The following SQLE variants were observed in gnomAD, a reference collection of about 807,000 sequenced individuals.
The protein encoded by SQLE is squalene epoxidase, also known as squalene monooxygenase.
In SQLE, 29 loss-of-function variants were observed where a neutral mutation model predicts 60.7. The observed-to-expected ratio is 0.48, with a 90% CI of 0.36 to 0.65. SQLE has a LOEUF of 0.65. Among genes scored for constraint, SQLE ranks in the 30% least tolerant of loss-of-function variants. The pLI, the probability that SQLE is intolerant of heterozygous loss-of-function variation, is 0.00. For missense variants in SQLE, 605 were observed against 684.1 expected, an observed-to-expected ratio of 0.88 and a Z score of 1.29; for synonymous variants, 237 against 246.8, an observed-to-expected ratio of 0.96 and a Z score of 0.37.
Position 125,007,500 on chromosome 8 carries a change from A to G in SQLE, c.822+13A>G. The G allele has an allele frequency of 6.7e-7, 1 of 1,498,168 alleles. No homozygotes were observed. Among genetic ancestry groups the G allele is most frequent in the Non-Finnish European group, 9.0e-7 (1 of 1,107,754 alleles). 92.8% of individuals were successfully genotyped at this position (1,498,168 alleles called of 1,614,324 possible). ...TGGAGATATCAAGGTGAGAAATACC[A>G]AATGTCACCTCTTCCTAAGAGATGT... On this transcript the variant is annotated intron_variant, in intron 4 of 10. Transcript: ENST00000265896.
intron 9 of SQLE, chr8:125,019,184 T>G (rs931808944): frequency 4.4e-5 from 7 of 159,550 alleles, no homozygotes; most frequent in African/African-American, 1.7e-4. Flanking sequence ...CACCCTTTAC[T>G]TATTTGGATT....
At chr8:125,000,246 G>A (rs1391940475) in intron 1 of SQLE, among the ~76,000 whole-genome samples, 1 of 152,162 alleles carries the variant, frequency 6.6e-6, no homozygotes, top group African/African-American at 2.4e-5. Flanking sequence ...ATAAAGGCCA[G>A]GTCTTCAAAT....
At chr8:125,006,000 A>G (rs971528752) in intron 3 of SQLE, among the ~76,000 whole-genome samples, 5 of 152,240 alleles carry the variant, frequency 3.3e-5, no homozygotes, top group African/African-American at 7.2e-5. Flanking sequence ...TAACTAAGGC[A>G]TAAGTCCATT....
intron 1 of SQLE, among the ~76,000 whole-genome samples, chr8:125,000,675 A>G (rs1814829521): frequency 6.6e-6 from 1 of 151,764 alleles, no homozygotes; most frequent in Admixed American, 6.6e-5. Context: ...GCTGGTCTCG[A>G]ACTCCTGACC....
At chr8:125,011,722 G>C in intron 7 of SQLE, 90 bp downstream of exon 7, 1 of 1,143,280 alleles carries the variant, frequency 8.7e-7, no homozygotes, top group Non-Finnish European at 1.3e-6. Flanking sequence ...ATAACTTCTG[G>C]GACAGATAGT....
chr8:124,998,595 G>T lies in SQLE; in HGVS notation c.-809G>T, dbSNP rs1438653183. 1 of 685,752 alleles carries T rather than the reference G, an allele frequency of 1.5e-6. No homozygotes were observed. Among genetic ancestry groups the T allele is most frequent in the Admixed American group, 2.1e-5 (1 of 48,430 alleles). 42.5% of individuals were successfully genotyped at this position (685,752 alleles called of 1,614,324 possible). A position where few individuals can be genotyped will look rare whatever the true frequency, so the allele number is the denominator to read the frequency against. On this transcript the variant is annotated 5_prime_UTR_variant, in exon 1 of 11. Transcript: ENST00000265896. ...CGCGCTGGCGAGAGCCGCCGCCCGCGAGGGATGCTGGTGAGGAAGCCGTCG... is the reference window on the plus strand; with the variant it reads ...CGCGCTGGCGAGAGCCGCCGCCCGCTAGGGATGCTGGTGAGGAAGCCGTCG...
intron 7 of SQLE, among the ~76,000 whole-genome samples, chr8:125,013,378 G>A (rs1588114940): frequency 2.9e-5 from 2 of 68,892 alleles, no homozygotes; most frequent in African/African-American, 2.4e-4. Context: ...TTGAGATGGA[G>A]TTTCGCTCTT....
chr8:124,999,402 C>G lies in SQLE; in HGVS notation c.-2C>G, dbSNP rs1814803484. On this transcript the variant is annotated 5_prime_UTR_variant, in exon 1 of 11. Transcript: ENST00000265896. ...CGGTGCCACCAAAGAAGCCTTGGAA[C>G]CATGTGGACTTTTCTGGGCATTGCC... The G allele has an allele frequency of 6.7e-7, 1 of 1,502,968 alleles. No homozygotes were observed. Among genetic ancestry groups the G allele is most frequent in the African/African-American group, 1.4e-5 (1 of 71,044 alleles). 93.1% of individuals were successfully genotyped at this position (1,502,968 alleles called of 1,614,324 possible).
At position 124,998,511 on chromosome 8, in the gene SQLE, C is replaced by T. The variant is rs1286410270; in HGVS notation, c.-893C>T. On this transcript the variant is annotated 5_prime_UTR_variant, in exon 1 of 11. Transcript: ENST00000265896. ...CGAGCCCGCCCAGCTGGCTGAGACGCGTGGAGCCTGGCGGCGAGTGGGGGC... is the reference window on the plus strand; with the variant it reads ...CGAGCCCGCCCAGCTGGCTGAGACGTGTGGAGCCTGGCGGCGAGTGGGGGC... 9.2e-6 allele frequency: 6 copies of T among 649,394 alleles called. No homozygotes were observed. The highest frequency in any genetic ancestry group is 1.4e-5 in the Non-Finnish European group (5 of 359,922). The allele number at this position is 649,394 out of a possible 1,614,324, so 40.2% of individuals were successfully genotyped here. A position where few individuals can be genotyped will look rare whatever the true frequency, so the allele number is the denominator to read the frequency against.
At chr8:125,007,331 T>C in intron 3 of SQLE, 60 bp from the exon 4 acceptor site, 1 of 1,259,806 alleles carries the variant, frequency 7.9e-7, no homozygotes, top group Non-Finnish European at 1.1e-6. Flanking sequence ...AAGGAATTTA[T>C]ATTTAATTTA....
chr8:125,007,522 ATGT>A (rs1814972565), intron 4 of SQLE, 35 bp downstream of exon 4: 2 of 1,420,622 alleles, frequency 1.4e-6, no homozygotes, highest in African/African-American at 1.4e-5. Flanking sequence ...TTCCTAAGAG[ATGT>A]TGTTTTTCCT....
rs187929685 is a variant in SQLE at position 125,020,906 on chromosome 8, C to T, written c.1532+35C>T. The T allele has an allele frequency of 7.6e-5, 113 of 1,479,642 alleles. 1 individual carries two copies. In the East Asian group the frequency reaches 1.9e-3, roughly 25 times the overall value. 91.7% of individuals were successfully genotyped at this position (1,479,642 alleles called of 1,614,324 possible). On this transcript the variant is annotated intron_variant, in intron 10 of 10. Transcript: ENST00000265896. ...GATGGCACAGAGGATACAAACCTGC[C>T]AGATTTTCTTAGGACTGTTCAGTTG...
intron 4 of SQLE, among the ~76,000 whole-genome samples, chr8:125,008,683 G>A (rs776977081): frequency 4.6e-5 from 7 of 152,162 alleles, no homozygotes; most frequent in Non-Finnish European, 1.0e-4. Flanking sequence ...TGCCTGCCTT[G>A]TAGTTGTTTC....
intron 2 of SQLE, among the ~76,000 whole-genome samples, chr8:125,004,835 T>A (rs1814922023): frequency 6.6e-6 from 1 of 152,118 alleles, no homozygotes; most frequent in South Asian, 2.1e-4. Context: ...TGTGATATTT[T>A]CTATTGAAAG....
intron 10 of SQLE, among the ~76,000 whole-genome samples, chr8:125,021,403 C>G (rs1815201883): frequency 6.6e-6 from 1 of 151,864 alleles, no homozygotes; most frequent in Non-Finnish European, 1.5e-5. Flanking sequence ...ACCAGGCCAT[C>G]TAGATATTTC....
rs765705106 is a variant in SQLE, at chr8:125,018,136, A to T, written c.1282A>T (p.Ile428Leu). 1 of 1,613,926 alleles carries T rather than the reference A, an allele frequency of 6.2e-7. No homozygotes were observed. Among genetic ancestry groups the T allele is most frequent in the Admixed American group, 1.7e-5 (1 of 60,034 alleles). The change falls in exon 8 of 11, where the codon ATA becomes TTA. Residue 428 changes from isoleucine to leucine, a missense_variant. Transcript: ENST00000265896. Reference protein sequence around the residue: ...GGGMTVAFKDIKLWRKLLKGI... With the variant: ...GGGMTVAFKDLKLWRKLLKGI... ...AGGAATGACTGTTGCTTTTAAAGAT[A>T]TAAAACTATGGAGAAAACTGCTAAA...
chr8:125,001,689 G>A (rs536536450), intron 1 of SQLE, among the ~76,000 whole-genome samples: 2 of 150,186 alleles, frequency 1.3e-5, no homozygotes, highest in Non-Finnish European at 1.5e-5. Flanking sequence ...AAAAAAAAAA[G>A]AATAGACAAA....
intron 9 of SQLE, among the ~76,000 whole-genome samples, chr8:125,019,328 T>C (rs1815163953): frequency 6.6e-6 from 1 of 152,144 alleles, no homozygotes; most frequent in Admixed American, 6.6e-5. Context: ...TTCATGCCTG[T>C]AATCCCAGCA....
At chr8:125,007,669 T>G (rs1814976187) in intron 4 of SQLE, among the ~76,000 whole-genome samples, 182 bp downstream of exon 4, 1 of 152,246 alleles carries the variant, frequency 6.6e-6, no homozygotes, top group Non-Finnish European at 1.5e-5. Flanking sequence ...ACTTACCAGT[T>G]GAGCATCTCT....
Sources: allele counts gnomAD v4.1 joint callset (sites outside exome capture counted in the v4.1 genomes callset), GRCh38; gene constraint gnomAD v4.1.1; transcripts MANE v1.5; gene names NCBI Gene and HGNC (gene_info 2026-07-23, HGNC 2026-07-21).